The following HDAC4 variants were observed in gnomAD, a reference collection of about 807,000 sequenced individuals.
HDAC4 encodes histone deacetylase A.
In HDAC4, 16 loss-of-function variants were observed where a neutral mutation model predicts 135.1. The observed-to-expected ratio is 0.12, with a 90% CI of 0.08 to 0.18. The LOEUF is 0.18. Among genes scored for constraint, HDAC4 ranks in the 10% least tolerant of loss-of-function variants. The pLI, the probability that HDAC4 is intolerant of heterozygous loss-of-function variation, is 1.00. For synonymous variants in HDAC4, 685 were observed against 653.4 expected (o/e 1.05, Z -0.74); for missense variants, 1,143 against 1,511.8 (o/e 0.76, Z 4.05).
chr2:239,154,214 G>A (rs897332462), intron 7 of HDAC4, among the ~76,000 whole-genome samples: 4 of 152,008 alleles, frequency 2.6e-5, no homozygotes, highest in Non-Finnish European at 4.4e-5. Context: ...GGGAAGGCAC[G>A]TCCCCACATG....
intron 2 of HDAC4, among the ~76,000 whole-genome samples, chr2:239,345,919 G>A (rs1249656396): frequency 4.4e-5 from 5 of 114,734 alleles, no homozygotes; most frequent in South Asian, 3.0e-4. Context: ...TCTCACACAC[G>A]TGCACTCACT....
intron 4 of HDAC4, among the ~76,000 whole-genome samples, chr2:239,178,701 TG>T: frequency 6.6e-6 from 1 of 152,314 alleles, no homozygotes; most frequent in East Asian, 1.9e-4. Context: ...GGTTGCTTTT[TG>T]TTGGTCTTGC....
intron 3 of HDAC4, among the ~76,000 whole-genome samples, chr2:239,199,117 A>T (rs144056532): frequency 1.5e-4 from 2 of 13,502 alleles, no homozygotes; most frequent in East Asian, 1.2e-3. Context: ...GCCCCCCACC[A>T]CCCCCACCCC....
At chr2:239,097,972 A>C (rs1247176683) in intron 16 of HDAC4, among the ~76,000 whole-genome samples, 2 of 152,196 alleles carry the variant, frequency 1.3e-5, no homozygotes, top group Non-Finnish European at 2.9e-5. Flanking sequence ...CAAATAATGC[A>C]CGCGCTCAGC....
chr2:239,126,751 G>A (rs2152852655), intron 11 of HDAC4, 57 bp from the exon 12 acceptor site: 2 of 1,538,466 alleles, frequency 1.3e-6, no homozygotes. Flanking sequence ...AGAGGAGGGA[G>A]AGAGGGCTAT....
intron 12 of HDAC4, among the ~76,000 whole-genome samples, chr2:239,121,651 T>A (rs2152833349): frequency 6.6e-6 from 1 of 152,356 alleles, no homozygotes; most frequent in Non-Finnish European, 1.5e-5. Flanking sequence ...CCCCTCGGCC[T>A]GGAGGAGGGA....
intron 24 of HDAC4, among the ~76,000 whole-genome samples, chr2:239,056,086 G>A (rs778514339): frequency 2.0e-5 from 3 of 152,190 alleles, no homozygotes; most frequent in Non-Finnish European, 2.9e-5. Context: ...AGCTACTATC[G>A]ACAGTGGCAG....
chr2:239,147,502 C>T (rs1284754077), intron 7 of HDAC4, among the ~76,000 whole-genome samples: 2 of 152,274 alleles, frequency 1.3e-5, no homozygotes, highest in African/African-American at 4.8e-5. Flanking sequence ...GTCGAGGCTG[C>T]ACGTGTACTG....
intron 12 of HDAC4, among the ~76,000 whole-genome samples, chr2:239,117,565 CAAAAAAAAA>C (rs34154007): frequency 1.7e-5 from 2 of 116,284 alleles, no homozygotes; most frequent in East Asian, 2.5e-4. Context: ...CGGGAAGTGG[CAAAAAAAAA>C]AAAAAAAAAA....
chr2:239,202,474 G>A (rs1293309956), intron 3 of HDAC4, among the ~76,000 whole-genome samples: 1 of 152,188 alleles, frequency 6.6e-6, no homozygotes, highest in African/African-American at 2.4e-5. Context: ...CTCTGGAGAA[G>A]GTACCCTGGC....
At chr2:239,168,449 G>A (rs952665187) in intron 5 of HDAC4, among the ~76,000 whole-genome samples, 2 of 152,136 alleles carry the variant, frequency 1.3e-5, no homozygotes, top group African/African-American at 4.8e-5. Context: ...TCTGTCAAAT[G>A]AATTGCATTA....
intron 3 of HDAC4, among the ~76,000 whole-genome samples, chr2:239,194,593 A>G (rs1359818552): frequency 6.6e-6 from 1 of 152,024 alleles, no homozygotes; most frequent in African/African-American, 2.4e-5. Context: ...CTGGCCCAGC[A>G]CTCCCCACTC....
At chr2:239,292,363 G>A (rs1200225777) in intron 2 of HDAC4, among the ~76,000 whole-genome samples, 1 of 152,212 alleles carries the variant, frequency 6.6e-6, no homozygotes, top group Non-Finnish European at 1.5e-5. Flanking sequence ...TCTAGCACTG[G>A]CTGTTTGTTA....
chr2:239,145,989 A>T (rs2041734301), intron 7 of HDAC4, among the ~76,000 whole-genome samples: 2 of 152,148 alleles, frequency 1.3e-5, no homozygotes, highest in Admixed American at 6.5e-5. Context: ...TCCCAGAGAA[A>T]CCAGAGAGGC....
chr2:239,199,324 C>A (rs1051477632), intron 3 of HDAC4, among the ~76,000 whole-genome samples: 1 of 152,054 alleles, frequency 6.6e-6, no homozygotes, highest in Non-Finnish European at 1.5e-5. Flanking sequence ...GTTGCGAAGG[C>A]TCAAAATGAT....
chr2:239,158,488 T>C (rs540846987), intron 6 of HDAC4, among the ~76,000 whole-genome samples: 8 of 152,270 alleles, frequency 5.3e-5, no homozygotes, highest in South Asian at 2.1e-4. Context: ...CTAACAGACG[T>C]TCTCTTACTA....
At chr2:239,098,689 G>A (rs892927318) in intron 16 of HDAC4, among the ~76,000 whole-genome samples, 1 of 152,184 alleles carries the variant, frequency 6.6e-6, no homozygotes, top group Non-Finnish European at 1.5e-5. Flanking sequence ...GCGGCTTGTG[G>A]ATTCCATTAA....
chr2:239,162,721 T>G (rs953764281), intron 6 of HDAC4, among the ~76,000 whole-genome samples: 6 of 152,066 alleles, frequency 3.9e-5, no homozygotes, highest in Non-Finnish European at 8.8e-5. Flanking sequence ...GAGTGCAGCT[T>G]ATGTGCCACT....
chr2:239,358,598 G>A (rs970593862), intron 1 of HDAC4, among the ~76,000 whole-genome samples: 6 of 152,178 alleles, frequency 3.9e-5, no homozygotes, highest in African/African-American at 4.8e-5. Context: ...CAGGCAGCGC[G>A]CGTAGGGACT....
Sources: gnomAD v4.1 joint callset for allele counts (sites outside exome capture counted in the v4.1 genomes callset) on GRCh38, gnomAD v4.1.1 for gene constraint, MANE v1.5 for transcripts, NCBI Gene and HGNC (gene_info 2026-07-23, HGNC 2026-07-21) for gene names.